Variants in ROBO1 observed in about 807,000 individuals in gnomAD.
ROBO1 encodes roundabout homolog 1.
Under a neutral mutation model 195.9 loss-of-function variants are expected in ROBO1, and 149 were observed. The ratio of observed to expected loss-of-function variants is 0.76; its 90% confidence interval spans 0.67 to 0.87. The LOEUF (loss-of-function observed/expected upper bound fraction) is 0.87, where lower values mean the gene tolerates loss of function less well. ROBO1 is among the 40% of genes least tolerant of loss of function. The pLI is 0.00. For synonymous variants in ROBO1, 816 were observed against 733.2 expected, an observed-to-expected ratio of 1.11 and a Z score of -1.82; for missense variants, 1,933 against 2,068.3, an observed-to-expected ratio of 0.93 and a Z score of 1.27.
At chr3:79,542,978 T>G (rs1942131598) in intron 2 of ROBO1, among the ~76,000 whole-genome samples, 5 of 152,062 alleles carry the variant, frequency 3.3e-5, no homozygotes, top group Admixed American at 2.6e-4. Context: ...ATATAACACT[T>G]CATAATGATT....
intron 17 of ROBO1, among the ~76,000 whole-genome samples, chr3:78,658,480 G>T (rs186005330): frequency 6.6e-6 from 1 of 152,244 alleles, no homozygotes; most frequent in Non-Finnish European, 1.5e-5. Context: ...TAGTAGAGAC[G>T]GGCTTTCACT....
intron 3 of ROBO1, among the ~76,000 whole-genome samples, chr3:79,059,308 A>C (rs1177860172): frequency 6.6e-6 from 1 of 152,044 alleles, no homozygotes; most frequent in Admixed American, 6.6e-5. Context: ...GCATTAGATC[A>C]GGGGCAGAAA....
chr3:78,605,702 C>T (rs978736780), intron 29 of ROBO1, among the ~76,000 whole-genome samples: 1 of 152,156 alleles, frequency 6.6e-6, no homozygotes, highest in African/African-American at 2.4e-5. Context: ...GCATTTTAAT[C>T]CATTCAAAAC....
chr3:79,204,331 A>G (rs2081825353), intron 2 of ROBO1, among the ~76,000 whole-genome samples: 1 of 152,090 alleles, frequency 6.6e-6, no homozygotes, highest in African/African-American at 2.4e-5. Flanking sequence ...ATCTAACTGT[A>G]CAGATAAAAG....
chr3:79,206,792 A>G (rs1329367651), intron 2 of ROBO1, among the ~76,000 whole-genome samples: 1 of 152,196 alleles, frequency 6.6e-6, no homozygotes, highest in East Asian at 1.9e-4. Context: ...CAGTCTTCCT[A>G]GGAATGTTGA....
intron 1 of ROBO1, among the ~76,000 whole-genome samples, chr3:79,762,715 AAAG>A (rs1704778647): frequency 6.6e-6 from 1 of 152,104 alleles, no homozygotes; most frequent in Non-Finnish European, 1.5e-5. Context: ...TGAAGACTGA[AAAG>A]AAGAATTCAT....
intron 3 of ROBO1, among the ~76,000 whole-genome samples, chr3:79,042,545 A>C (rs1447089777): frequency 6.6e-6 from 1 of 152,148 alleles, no homozygotes; most frequent in Admixed American, 6.6e-5. Context: ...AAAAAAAGTT[A>C]AATATTATAA....
At chr3:78,965,116 A>C (rs1023935523) in intron 3 of ROBO1, among the ~76,000 whole-genome samples, 12 of 152,048 alleles carry the variant, frequency 7.9e-5, no homozygotes, top group African/African-American at 2.7e-4. Context: ...TCTTTCTCAT[A>C]AACATAGAGT....
chr3:79,326,377 C>T (rs140147474), intron 2 of ROBO1, among the ~76,000 whole-genome samples: 5,369 of 152,114 alleles, frequency 0.035, 139 homozygotes, highest in Non-Finnish European at 0.051. Context: ...CGGAACCTGC[C>T]GACATGTGAT....
At chr3:79,606,405 C>T (rs577822943) in intron 1 of ROBO1, among the ~76,000 whole-genome samples, 1 of 152,092 alleles carries the variant, frequency 6.6e-6, no homozygotes, top group Admixed American at 6.6e-5. Flanking sequence ...GTCTCCTCAT[C>T]ATCCATCCAG....
intron 2 of ROBO1, among the ~76,000 whole-genome samples, chr3:79,509,200 G>GA (rs150138138): frequency 1.1e-4 from 16 of 150,682 alleles, no homozygotes; most frequent in Admixed American, 5.3e-4. Flanking sequence ...TTTTTCCTGT[G>GA]AAAAAAACAA....
At chr3:79,676,683 A>C (rs1251979933) in intron 1 of ROBO1, among the ~76,000 whole-genome samples, 1 of 152,048 alleles carries the variant, frequency 6.6e-6, no homozygotes, top group Non-Finnish European at 1.5e-5. Context: ...AACAAGAAAG[A>C]GGCTTATATC....
chr3:79,754,792 C>T (rs1032371666), intron 1 of ROBO1, among the ~76,000 whole-genome samples: 1 of 152,168 alleles, frequency 6.6e-6, no homozygotes, highest in Non-Finnish European at 1.5e-5. Flanking sequence ...AAGACGATGG[C>T]TCTGGACAAA....
At chr3:79,442,173 G>A (rs2039077097) in intron 2 of ROBO1, among the ~76,000 whole-genome samples, 1 of 152,106 alleles carries the variant, frequency 6.6e-6, no homozygotes, top group African/African-American at 2.4e-5. Flanking sequence ...TTACATTCAA[G>A]ATGAAATCCT....
chr3:78,672,628 G>A (rs890252571), intron 10 of ROBO1, among the ~76,000 whole-genome samples: 2 of 150,284 alleles, frequency 1.3e-5, no homozygotes, highest in South Asian at 4.2e-4. Context: ...AAATATTTAA[G>A]GGTTTATTAA....
At chr3:78,713,666 A>G (rs2081823376) in intron 8 of ROBO1, among the ~76,000 whole-genome samples, 1 of 152,068 alleles carries the variant, frequency 6.6e-6, no homozygotes, top group African/African-American at 2.4e-5. Context: ...AGAATGAAAA[A>G]CTTCTGGATT....
intron 3 of ROBO1, among the ~76,000 whole-genome samples, chr3:79,006,957 G>T (rs2077638537): frequency 6.6e-6 from 1 of 151,940 alleles, no homozygotes; most frequent in Non-Finnish European, 1.5e-5. Flanking sequence ...AAGATTTGTT[G>T]GAAGGTTAGA....
At chr3:78,916,557 GAA>G (rs969858186) in intron 4 of ROBO1, among the ~76,000 whole-genome samples, 3 of 74,172 alleles carry the variant, frequency 4.0e-5, no homozygotes, top group African/African-American at 4.0e-5. Flanking sequence ...GTCTCAAAAA[GAA>G]AAAAAAAAAA....
intron 2 of ROBO1, among the ~76,000 whole-genome samples, chr3:79,584,098 T>A (rs1490751431): frequency 6.6e-6 from 1 of 151,842 alleles, no homozygotes; most frequent in Non-Finnish European, 1.5e-5. Context: ...CAACCTGGCC[T>A]TCACACAAAT....
Sources: gnomAD v4.1 joint callset for allele counts (sites outside exome capture counted in the v4.1 genomes callset) on GRCh38, gnomAD v4.1.1 for gene constraint, MANE v1.5 for transcripts, NCBI Gene and HGNC (gene_info 2026-07-23, HGNC 2026-07-21) for gene names.